The following NPAT variants were observed in gnomAD, a reference collection of about 807,000 sequenced individuals.
NPAT encodes the protein nuclear protein, coactivator of histone transcription, also known as protein NPAT.
NPAT carries 52 observed loss-of-function variants against 130.7 expected under a neutral mutation model. That is an observed-to-expected ratio of 0.40 (90% CI 0.32 to 0.50). The LOEUF (loss-of-function observed/expected upper bound fraction) is 0.50, where lower values mean the gene tolerates loss of function less well. Ranked by LOEUF, NPAT falls within the 20% of genes least tolerant of loss-of-function variation. The pLI is 0.68. For synonymous variants in NPAT, 580 were observed against 584.8 expected, an observed-to-expected ratio of 0.99 and a Z score of 0.12; for missense variants, 1,687 against 1,662.6, an observed-to-expected ratio of 1.01 and a Z score of -0.26.
chr11:108,168,990 A>G (rs1472630099), intron 15 of NPAT, among the ~76,000 whole-genome samples: 2 of 152,182 alleles, frequency 1.3e-5, no homozygotes, highest in Non-Finnish European at 2.9e-5. Flanking sequence ...TTAGGCAGGA[A>G]AGCAACATAT....
Position 108,172,483 on chromosome 11 carries a change from G to C in NPAT, c.2501C>G (p.Ala834Gly), listed in dbSNP as rs1409460964. 1 of 1,614,162 alleles carries C rather than the reference G, an allele frequency of 6.2e-7. No individual in the cohort carries two copies. The change falls in exon 13 of 18, where the codon GCT becomes GGT. Residue 834 changes from alanine (A) to glycine (G), a missense_variant. By Grantham distance (60) the Ala-to-Gly change is moderately conservative (BLOSUM62 0). This residue lies in a region of NPAT where 1,379 missense variants were observed against 1,346.6 expected (regional missense o/e 1.02). Transcript: ENST00000278612. Reference protein sequence around the residue: ...VNNTQNEDGIAFSANVTPCVS... With the variant: ...VNNTQNEDGIGFSANVTPCVS... ...ACATGGTGTAACATTAGCTGAAAAA[G>C]CAATGCCATCTTCATTCTGAGTATT...
At chr11:108,176,457 C>T (rs1565313113) in intron 11 of NPAT, 83 bp from the exon 12 acceptor site, 4 of 1,051,642 alleles carry the variant, frequency 3.8e-6, no homozygotes, top group Non-Finnish European at 5.8e-6. Context: ...GGTGATTACG[C>T]AAATGTTAAA....
chr11:108,216,236 C>G (rs2078434608), intron 1 of NPAT, among the ~76,000 whole-genome samples: 1 of 152,104 alleles, frequency 6.6e-6, no homozygotes, highest in Non-Finnish European at 1.5e-5. Flanking sequence ...TGCCTTCAGT[C>G]ACTTGGGGAC....
At chr11:108,171,640 AT>A (rs1424335465) in intron 13 of NPAT, 1 of 152,786 alleles carries the variant, frequency 6.5e-6, no homozygotes, top group African/African-American at 2.4e-5. Flanking sequence ...ACCTGCCACC[AT>A]GCCTGGCTCA....
Position 108,189,297 on chromosome 11 carries a change from C to T in NPAT, c.365G>A (p.Arg122Gln), listed in dbSNP as rs762574148. 23 of 1,613,978 alleles carry T rather than the reference C, an allele frequency of 1.4e-5. No individual in the cohort carries two copies. The highest frequency in any genetic ancestry group is 6.7e-5 in the East Asian group (3 of 44,894). Residue 122 changes from arginine to glutamine, a missense_variant, in exon 6 of 18, where the codon CGG becomes CAG. Arg to Gln is a conservative substitution (Grantham distance 43). Around this residue, in one of 3 missense-constraint regions of NPAT, gnomAD observed 307 missense variants for 298.9 expected, o/e 1.03. Coordinates refer to ENST00000278612, the MANE Select transcript of NPAT (RefSeq NM_002519.3). ...RTRTGIAEIKRQRKLASQTAP... is the reference protein window; with the variant it reads ...RTRTGIAEIKQQRKLASQTAP... ...TGTTTGAGATGCAAGCTTTCTCTGC[C>T]GTTTGATTTCTGCAATTCCAGTTCT...
At chr11:108,220,579 G>C (rs924874635) in intron 1 of NPAT, among the ~76,000 whole-genome samples, 1 of 152,148 alleles carries the variant, frequency 6.6e-6, no homozygotes, top group Non-Finnish European at 1.5e-5. Context: ...CCAATAACAA[G>C]AGGAGCTGAA....
intron 1 of NPAT, among the ~76,000 whole-genome samples, chr11:108,202,116 T>G (rs2078280766): frequency 6.6e-6 from 1 of 152,158 alleles, no homozygotes; most frequent in Non-Finnish European, 1.5e-5. Flanking sequence ...CAGTTAACAT[T>G]TATACTGATT....
intron 1 of NPAT, among the ~76,000 whole-genome samples, chr11:108,203,449 G>A (rs1326847582): frequency 6.6e-6 from 1 of 152,012 alleles, no homozygotes; most frequent in Non-Finnish European, 1.5e-5. Context: ...AAATGTCACT[G>A]GAAAATATTC....
At chr11:108,207,745 G>A (rs759200807) in intron 1 of NPAT, among the ~76,000 whole-genome samples, 22 of 152,200 alleles carry the variant, frequency 1.4e-4, no homozygotes, top group African/African-American at 4.6e-4. Flanking sequence ...CCCCGAGAGT[G>A]CAGGGATGCC....
intron 11 of NPAT, 103 bp downstream of exon 11, chr11:108,176,891 A>G (rs1372057954): frequency 4.1e-6 from 3 of 729,946 alleles, no homozygotes; most frequent in South Asian, 1.5e-5. Context: ...TGAAAACAAG[A>G]ACTTTTTTAG....
At chr11:108,184,008 T>A (rs1018635131) in intron 10 of NPAT, among the ~76,000 whole-genome samples, 2 of 151,684 alleles carry the variant, frequency 1.3e-5, no homozygotes, top group African/African-American at 4.8e-5. Context: ...TAGTTGCACA[T>A]GAACAAATCT....
At chr11:108,190,011 C>G (rs2078151168) in intron 5 of NPAT, among the ~76,000 whole-genome samples, 1 of 150,744 alleles carries the variant, frequency 6.6e-6, no homozygotes, top group Non-Finnish European at 1.5e-5. Flanking sequence ...CATAACTGTA[C>G]TTAGAAAAAC....
At position 108,161,625 on chromosome 11, in the gene NPAT, T is replaced by A. The variant is rs199835936; in HGVS notation, c.3461A>T (p.Glu1154Val). The change falls in exon 17 of 18, where the codon GAA (glutamate) becomes GTA (valine). Residue 1154 changes from glutamate to valine, a missense_variant. This residue lies in a region of NPAT where 1,379 missense variants were observed against 1,346.6 expected (regional missense o/e 1.02). Transcript: ENST00000278612. ...TTTATGGAAAGATTCAAGCACAATT[T>A]CTGTTGGTGAAACTTTCTTTTCTGA... ...TQSEKKVSPTEIVLESFHKAT... is the reference protein window; with the variant it reads ...TQSEKKVSPTVIVLESFHKAT... 9.9e-6 allele frequency: 16 copies of A among 1,614,172 alleles called. No individual in the cohort carries two copies. Among genetic ancestry groups the A allele is most frequent in the African/African-American group, 1.3e-5 (1 of 75,070 alleles).
At chr11:108,210,333 C>T (rs1360650638) in intron 1 of NPAT, among the ~76,000 whole-genome samples, 2 of 152,084 alleles carry the variant, frequency 1.3e-5, no homozygotes, top group African/African-American at 2.4e-5. Flanking sequence ...GGTGTTTTGG[C>T]CACAGGGGCA....
chr11:108,198,209 A>T (rs2134876174), intron 1 of NPAT, among the ~76,000 whole-genome samples: 1 of 152,322 alleles, frequency 6.6e-6, no homozygotes, highest in East Asian at 1.9e-4. Context: ...ACAAACATGG[A>T]AGAAGAAAAA....
In NPAT at chr11:108,172,227, G is replaced by T. The variant is rs773811749; in HGVS notation, c.2757C>A (p.Asn919Lys). The stretch of plus-strand genomic sequence containing the variant: ...GTGAAAAGTTTGGTGACACAGCTTG[G>T]TTGACAGCAAATACACTGTTTGACC... ...PPRSNSVFAV[N>K]QAVSPNFSQG... Residue 919 changes from asparagine (N) to lysine (K), a missense_variant, in exon 13 of 18, where the codon AAC becomes AAA. Transcript: ENST00000278612. The T allele has an allele frequency of 6.2e-7, 1 of 1,614,048 alleles. No homozygotes were observed. The highest frequency in any genetic ancestry group is 1.1e-5 in the South Asian group (1 of 91,080).
chr11:108,181,033 A>G (rs916074487), intron 10 of NPAT, among the ~76,000 whole-genome samples: 4 of 152,202 alleles, frequency 2.6e-5, no homozygotes, highest in African/African-American at 9.7e-5. Context: ...AGGGGATAGG[A>G]AAAGGGGAAA....
Position 108,172,499 on chromosome 11 carries a change from T to C in NPAT, c.2485A>G (p.Asn829Asp), listed in dbSNP as rs905857321. The C allele has an allele frequency of 6.2e-7, 1 of 1,614,084 alleles. No homozygotes were observed. Among genetic ancestry groups the C allele is most frequent in the African/African-American group, 1.3e-5 (1 of 74,946 alleles). ...GCTGAAAAAGCAATGCCATCTTCAT[T>C]CTGAGTATTGTTTACTGCAGAGTCT... ...SEDSAVNNTQNEDGIAFSANV... is the reference protein window; with the variant it reads ...SEDSAVNNTQDEDGIAFSANV... Residue 829 changes from asparagine (N) to aspartate (D), a missense_variant, in exon 13 of 18, where the codon AAT becomes GAT. Physicochemically the swap from Asn to Asp is conservative, Grantham distance 23. Transcript: ENST00000278612.
intron 2 of NPAT, among the ~76,000 whole-genome samples, chr11:108,197,021 A>T (rs564617014): frequency 6.6e-6 from 1 of 151,580 alleles, no homozygotes; most frequent in Non-Finnish European, 1.5e-5. Context: ...GGTCAGGAAG[A>T]AAAAAAAAGG....
Sources: allele counts gnomAD v4.1 joint callset (sites outside exome capture counted in the v4.1 genomes callset), GRCh38; gene constraint gnomAD v4.1.1; regional missense constraint gnomAD v4.1.1; transcripts MANE v1.5; gene names NCBI Gene and HGNC (gene_info 2026-07-23, HGNC 2026-07-21).